The following DST variants were observed in gnomAD, a reference collection of about 807,000 sequenced individuals.
DST encodes bullous pemphigoid antigen.
In DST, 253 loss-of-function variants were observed where a neutral mutation model predicts 875.2. The observed-to-expected ratio is 0.29, with a 90% CI of 0.26 to 0.32. The LOEUF (loss-of-function observed/expected upper bound fraction) is 0.32, where lower values mean the gene tolerates loss of function less well. Among genes scored for constraint, DST ranks in the 10% least tolerant of loss-of-function variants. The pLI is 1.00. For synonymous variants in DST, 3,124 were observed against 3,197.1 expected (o/e 0.98, Z 0.77); for missense variants, 8,287 against 9,111.6 (o/e 0.91, Z 3.68).
chr6:56,796,046 G>A (rs2099739216), intron 4 of DST, among the ~76,000 whole-genome samples: 1 of 152,170 alleles, frequency 6.6e-6, no homozygotes, highest in Admixed American at 6.5e-5. Context: ...GAGGCAAACA[G>A]CAACCCCGGA....
At chr6:56,643,073 C>A in intron 15 of DST, 3 of 498,982 alleles carry the variant, frequency 6.0e-6, no homozygotes, top group East Asian at 4.6e-5. Flanking sequence ...GCAGATTGGG[C>A]GTCACTGGAA....
intron 10 of DST, among the ~76,000 whole-genome samples, chr6:56,668,370 C>T (rs926322324): frequency 4.6e-5 from 7 of 152,156 alleles, no homozygotes; most frequent in African/African-American, 1.4e-4. Context: ...GATTCAGCAA[C>T]CTACACCCAC....
rs768237570 is a variant in DST at position 56,605,014 on chromosome 6, C to T, written c.9614G>A (p.Ser3205Asn). Residue 3205 changes from serine to asparagine, a missense_variant, in exon 40 of 104, where the codon AGC becomes AAC. By Grantham distance (46) the Ser-to-Asn change is conservative (BLOSUM62 1). Around this residue, in one of 10 missense-constraint regions of DST, gnomAD observed 3,138 missense variants for 3,116.6 expected, o/e 1.01. Coordinates refer to ENST00000680361, the MANE Select transcript of DST (RefSeq NM_001374736.1). ...DVAKPNEDVP[S>N]HVLITAPPMK... ...GGGAGGGGCAGTTATTAAAACATGG[C>T]TTGGGACATCTTCATTTGGTTTGGC... The T allele has an allele frequency of 6.2e-7, 1 of 1,612,846 alleles. No individual in the cohort carries two copies. The highest frequency in any genetic ancestry group is 8.5e-7 in the Non-Finnish European group (1 of 1,179,276).
At chr6:56,513,228 G>A (rs965531492) in intron 72 of DST, among the ~76,000 whole-genome samples, 11 of 111,068 alleles carry the variant, frequency 9.9e-5, no homozygotes, top group Non-Finnish European at 1.7e-4. Flanking sequence ...GTAGTGAGAG[G>A]AGCCTTTTTT....
chr6:56,913,541 G>A (rs1047602706), intron 2 of DST, among the ~76,000 whole-genome samples: 1 of 152,166 alleles, frequency 6.6e-6, no homozygotes, highest in African/African-American at 2.4e-5. Context: ...ACAGAGTTAA[G>A]TAGCTGCAAC....
intron 5 of DST, among the ~76,000 whole-genome samples, chr6:56,711,749 TGA>T (rs1383884252): frequency 2.0e-5 from 3 of 151,816 alleles, no homozygotes; most frequent in Non-Finnish European, 4.4e-5. Flanking sequence ...ATTCCACATA[TGA>T]GAGAGAGAAG....
rs1455071594 is a variant in DST, at chr6:56,735,710, C to T, written c.626-421G>A. Among the ~76,000 whole-genome samples the T allele has an allele frequency of 4.6e-5, 7 of 152,246 alleles. No individual in the cohort carries two copies. In the East Asian group the frequency reaches 7.7e-4, roughly 17 times the overall value. ...TGTAGAATAAGAAACCAAGACTTAA[C>T]GAGGATAAAAGACTTGTTCATGATT... On this transcript the variant is annotated intron_variant, in intron 4 of 103. Coordinates refer to ENST00000680361, the MANE Select transcript of DST (RefSeq NM_001374736.1).
At chr6:56,794,511 C>A (rs2099736433) in intron 4 of DST, among the ~76,000 whole-genome samples, 2 of 152,130 alleles carry the variant, frequency 1.3e-5, no homozygotes, top group Non-Finnish European at 2.9e-5. Flanking sequence ...AAGCCAGCAG[C>A]CAGGAAAGCT....
intron 2 of DST, among the ~76,000 whole-genome samples, chr6:56,952,161 G>A (rs1324858999): frequency 6.6e-6 from 1 of 152,204 alleles, no homozygotes. Flanking sequence ...TATGAAGTGA[G>A]TTAAGGCATT....
intron 36 of DST, chr6:56,617,289 C>A (rs150618709): frequency 1.2e-6 from 2 of 1,613,258 alleles, no homozygotes; most frequent in Non-Finnish European, 1.7e-6. Context: ...TTAAGGAAAT[C>A]CCCTTTCTTG....
At chr6:56,542,374 A>G (rs527656344) in intron 61 of DST, 1 of 149,902 alleles carries the variant, frequency 6.7e-6, no homozygotes, top group African/African-American at 2.5e-5. Flanking sequence ...AGGGCAGTAC[A>G]ATCCAGCAAC....
chr6:56,634,451 T>C lies in DST; in HGVS notation c.3494+11A>G. 6.2e-7 allele frequency: 1 copy of C among 1,613,956 alleles called. No homozygotes were observed. The highest frequency in any genetic ancestry group is 8.5e-7 in the Non-Finnish European group (1 of 1,179,844). ...AAACTAGCTCAACATTTTTAGCTAATATATACAAACCTGTTGGCAAGGTCC... is the reference window on the plus strand; with the variant it reads ...AAACTAGCTCAACATTTTTAGCTAACATATACAAACCTGTTGGCAAGGTCC... On this transcript the variant is annotated intron_variant, in intron 26 of 103. Coordinates refer to ENST00000680361, the MANE Select transcript of DST (RefSeq NM_001374736.1).
intron 61 of DST, chr6:56,542,704 G>A (rs1329691618): frequency 3.3e-5 from 5 of 152,654 alleles, no homozygotes; most frequent in Admixed American, 1.3e-4. Flanking sequence ...CTCCGGAAGG[G>A]AGCTCCGGGG....
chr6:56,938,108 C>CTCTATATATATATATATATATATATA (rs1383243392), intron 2 of DST, among the ~76,000 whole-genome samples: 1 of 120,754 alleles, frequency 8.3e-6, no homozygotes, highest in African/African-American at 3.5e-5. Flanking sequence ...CTCTCTCTCT[C>CTCTATATATATATATATATATATATA]TATATATATA....
chr6:56,685,358 C>T (rs2099177978), intron 9 of DST, among the ~76,000 whole-genome samples: 1 of 152,130 alleles, frequency 6.6e-6, no homozygotes, highest in African/African-American at 2.4e-5. Context: ...GTTGATACTT[C>T]GCAAAAGAAG....
chr6:56,827,506 CAAAAAAAA>C (rs779051829), intron 4 of DST, among the ~76,000 whole-genome samples: 1 of 58,764 alleles, frequency 1.7e-5, no homozygotes, highest in Non-Finnish European at 3.6e-5. Context: ...GACTCCGTCT[CAAAAAAAA>C]AAAAAAAAAA....
chr6:56,762,298 C>T (rs1382057733), intron 4 of DST, among the ~76,000 whole-genome samples: 1 of 152,026 alleles, frequency 6.6e-6, no homozygotes, highest in Non-Finnish European at 1.5e-5. Flanking sequence ...CTGGCGTGCC[C>T]GACAAGACTC....
rs1056687923 is a variant in DST at position 56,651,086 on chromosome 6, A to G, written c.1327+46T>C. ...TCACAATGTTGATAAATTACTTTTG[A>G]TCAGACTTTCATGCCAGTCCACATA... is the stretch of plus-strand genomic sequence containing the variant. On this transcript the variant is annotated intron_variant, in intron 11 of 103. Transcript: ENST00000680361. The G allele has an allele frequency of 1.0e-5, 16 of 1,591,392 alleles. No individual in the cohort carries two copies. In the South Asian group the frequency reaches 1.8e-4, roughly 18 times the overall value.
chr6:56,476,738 C>T (rs939244688), intron 91 of DST, among the ~76,000 whole-genome samples: 14 of 152,062 alleles, frequency 9.2e-5, no homozygotes, highest in African/African-American at 1.7e-4. Context: ...GGGCGGATCA[C>T]GAGGTCAGTT....
Sources: allele counts gnomAD v4.1 joint callset (sites outside exome capture counted in the v4.1 genomes callset), GRCh38; gene constraint gnomAD v4.1.1; regional missense constraint gnomAD v4.1.1; transcripts MANE v1.5; gene names NCBI Gene and HGNC (gene_info 2026-07-23, HGNC 2026-07-21).